ATP6V1H: variants seen among roughly 807,000 people sequenced by gnomAD.
ATP6V1H encodes the protein ATPase H+ transporting V1 subunit H, also known as V-type proton ATPase subunit H.
A neutral mutation model predicts 71.7 loss-of-function variants in ATP6V1H; 39 were observed. The observed-to-expected ratio is 0.54, with a 90% confidence interval of 0.42 to 0.71. The LOEUF is 0.71. Ranked by LOEUF, ATP6V1H falls within the 30% of genes least tolerant of loss-of-function variation. The probability of loss-of-function intolerance (pLI) is 0.00; values close to 1 mark genes in which losing one functional copy is unlikely to be tolerated. For synonymous variants in ATP6V1H, 192 were observed against 199.3 expected (o/e 0.96, Z 0.31); for missense variants, 509 against 594.9 (o/e 0.86, Z 1.50).
chr8:53,745,513 C>A (rs1392893086), intron 12 of ATP6V1H, among the ~76,000 whole-genome samples: 1 of 152,194 alleles, frequency 6.6e-6, no homozygotes, highest in Non-Finnish European at 1.5e-5. Context: ...CGGTCACAGG[C>A]TGCTTGTTCT....
chr8:53,812,098 C>G (rs138571046), intron 6 of ATP6V1H, among the ~76,000 whole-genome samples: 1 of 151,970 alleles, frequency 6.6e-6, no homozygotes, highest in Non-Finnish European at 1.5e-5. Flanking sequence ...CTTTTTAAAA[C>G]GAAGAGTCTG....
intron 9 of ATP6V1H, among the ~76,000 whole-genome samples, chr8:53,773,499 AG>A (rs1808749480): frequency 6.6e-6 from 1 of 152,222 alleles, no homozygotes; most frequent in Admixed American, 6.5e-5. Context: ...AGGGAAGTCA[AG>A]GAACAATACA....
At chr8:53,739,848 C>T (rs1798574355) in intron 13 of ATP6V1H, among the ~76,000 whole-genome samples, 1 of 152,230 alleles carries the variant, frequency 6.6e-6, no homozygotes, top group Non-Finnish European at 1.5e-5. Flanking sequence ...GCGAGTAGGA[C>T]TGGCCTGCTC....
intron 13 of ATP6V1H, among the ~76,000 whole-genome samples, chr8:53,731,857 C>T (rs1029128735): frequency 3.3e-5 from 5 of 152,254 alleles, no homozygotes; most frequent in African/African-American, 7.2e-5. Context: ...CCAGCTTGAG[C>T]GACGCAGATC....
intron 9 of ATP6V1H, among the ~76,000 whole-genome samples, chr8:53,782,337 C>G (rs1585781441): frequency 6.7e-6 from 1 of 150,156 alleles, no homozygotes; most frequent in African/African-American, 2.5e-5. Flanking sequence ...ATTTGGCTCT[C>G]TGTTTGTCTG....
intron 11 of ATP6V1H, 149 bp downstream of exon 11, chr8:53,769,469 G>A (rs1808576389): frequency 1.4e-6 from 1 of 714,766 alleles, no homozygotes; most frequent in South Asian, 2.3e-5. Context: ...ATGGTCAAAA[G>A]GATATGAAAA....
chr8:53,791,019 A>G (rs1320092861), intron 9 of ATP6V1H, among the ~76,000 whole-genome samples: 4 of 152,160 alleles, frequency 2.6e-5, no homozygotes, highest in East Asian at 1.9e-4. Context: ...AATTTACACT[A>G]AAAGATTTTG....
At chr8:53,756,779 T>C in intron 11 of ATP6V1H, 123 bp from the exon 12 acceptor site, 1 of 606,416 alleles carries the variant, frequency 1.6e-6, no homozygotes, top group East Asian at 2.8e-5. Context: ...CATATTCTTC[T>C]AAGGATTTCA....
chr8:53,830,755 G>A (rs944586706), intron 3 of ATP6V1H, among the ~76,000 whole-genome samples: 1 of 152,116 alleles, frequency 6.6e-6, no homozygotes, highest in African/African-American at 2.4e-5. Context: ...AAAAAGAAAA[G>A]AAAGGGCTGT....
chr8:53,721,525 T>C (rs1563435215), intron 13 of ATP6V1H, among the ~76,000 whole-genome samples: 1 of 152,198 alleles, frequency 6.6e-6, no homozygotes, highest in South Asian at 2.1e-4. Context: ...TTTTCTTATG[T>C]ACTCTTCACA....
At chr8:53,743,007 T>C (rs950903199) in intron 13 of ATP6V1H, among the ~76,000 whole-genome samples, 21 of 152,220 alleles carry the variant, frequency 1.4e-4, no homozygotes, top group Non-Finnish European at 8.8e-5. Flanking sequence ...GCTCACCATG[T>C]CTAAGTAGTT....
chr8:53,764,792 T>G (rs922661089), intron 11 of ATP6V1H, among the ~76,000 whole-genome samples: 2 of 152,184 alleles, frequency 1.3e-5, no homozygotes, highest in African/African-American at 4.8e-5. Context: ...ACAACTGGAA[T>G]TTCAAATTAA....
intron 11 of ATP6V1H, among the ~76,000 whole-genome samples, chr8:53,764,908 G>A (rs1808397537): frequency 6.6e-6 from 1 of 152,052 alleles, no homozygotes; most frequent in African/African-American, 2.4e-5. Flanking sequence ...AGACCAACCT[G>A]TGCAACAGAG....
At chr8:53,728,040 C>T (rs1233077197) in intron 13 of ATP6V1H, among the ~76,000 whole-genome samples, 2 of 152,218 alleles carry the variant, frequency 1.3e-5, no homozygotes, top group Non-Finnish European at 2.9e-5. Context: ...ACTGCCTCAT[C>T]TCTAGAGTGA....
In ATP6V1H at chr8:53,743,674, C is replaced by A; in HGVS notation, c.1294G>T (p.Gly432Cys). 1.9e-6 allele frequency: 3 copies of A among 1,611,008 alleles called. No homozygotes were observed. Among genetic ancestry groups the A allele is most frequent in the Non-Finnish European group, 2.5e-6 (3 of 1,177,916 alleles). The change falls in exon 13 of 14, where the codon GGT (glycine) becomes TGT (cysteine). Residue 432 changes from glycine (G) to cysteine (C), a missense_variant. Gly to Cys is a radical substitution (Grantham distance 159, BLOSUM62 -3). Transcript: ENST00000359530. Reference protein sequence around the residue: ...PRGKRVIEQLGGKQLVMNHMH... With the variant: ...PRGKRVIEQLCGKQLVMNHMH... Reference sequence around the variant, plus strand: ...TGGTTCATGACCAGCTGCTTCCCACCGAGCTGCTCGATGACCCTGCAAACG... The same window carrying A: ...TGGTTCATGACCAGCTGCTTCCCACAGAGCTGCTCGATGACCCTGCAAACG...
chr8:53,758,508 C>T (rs1036366784), intron 11 of ATP6V1H, among the ~76,000 whole-genome samples: 1 of 152,140 alleles, frequency 6.6e-6, no homozygotes, highest in Admixed American at 6.5e-5. Flanking sequence ...AGCTAATCAA[C>T]AGTTTATGTC....
At chr8:53,797,332 G>C (rs1809774061) in intron 8 of ATP6V1H, among the ~76,000 whole-genome samples, 1 of 152,182 alleles carries the variant, frequency 6.6e-6, no homozygotes, top group African/African-American at 2.4e-5. Context: ...CTTCAACCCG[G>C]CAGCAGCAGT....
intron 13 of ATP6V1H, among the ~76,000 whole-genome samples, chr8:53,733,226 G>A (rs961375785): frequency 7.2e-5 from 11 of 152,322 alleles, no homozygotes; most frequent in African/African-American, 2.4e-4. Flanking sequence ...TGGACTTGAA[G>A]GACGCTTTCT....
rs536012988 is a variant in ATP6V1H, at chr8:53,776,130, A to C, written c.871-3963T>G. Reference sequence around the variant, plus strand: ...GGGGACCCAGTACAGCCTCCGCAGCAGCTGGCCCGGGTGCTAAGTCCGTCA... The same window carrying C: ...GGGGACCCAGTACAGCCTCCGCAGCCGCTGGCCCGGGTGCTAAGTCCGTCA... On this transcript the variant is annotated intron_variant, in intron 9 of 13. Transcript: ENST00000359530. Among the ~76,000 whole-genome samples the C allele has an allele frequency of 2.2e-3, 339 of 152,312 alleles. 2 individuals carry two copies. Among genetic ancestry groups the C allele is most frequent in the African/African-American group, 7.9e-3 (328 of 41,576 alleles).
Sources: gnomAD v4.1 joint callset for allele counts (sites outside exome capture counted in the v4.1 genomes callset) on GRCh38, gnomAD v4.1.1 for gene constraint, MANE v1.5 for transcripts, NCBI Gene and HGNC (gene_info 2026-07-23, HGNC 2026-07-21) for gene names.